The following HHIPL1 variants were observed in gnomAD, a reference collection of about 807,000 sequenced individuals.
HHIPL1 encodes the protein HHIP-like protein 1.
In HHIPL1, 43 loss-of-function variants were observed where a neutral mutation model predicts 61.8. That is an observed-to-expected ratio of 0.70 (90% CI 0.55 to 0.90). HHIPL1 has a LOEUF of 0.90. HHIPL1 is among the 40% of genes least tolerant of loss of function. The probability of loss-of-function intolerance (pLI) is 0.00; values close to 1 mark genes in which losing one functional copy is unlikely to be tolerated. For synonymous variants in HHIPL1, 482 were observed against 515.8 expected (o/e 0.93, Z 0.89); for missense variants, 1,056 against 1,157.7 (o/e 0.91, Z 1.28).
At chr14:99,605,073 C>T in the HHIPL1 span, among the ~76,000 whole-genome samples, 1 of 152,212 alleles carries the variant, frequency 6.6e-6, no homozygotes, top group Non-Finnish European at 1.5e-5. Context: ...GGGGCGAGAG[C>T]TCCGGGAACC....
chr14:99,645,860 G>A (rs1170075441), intron 1 of HHIPL1, among the ~76,000 whole-genome samples: 2 of 152,192 alleles, frequency 1.3e-5, no homozygotes, highest in Non-Finnish European at 2.9e-5. Context: ...GTCCCGGTCA[G>A]TGCTCCTTTG....
At chr14:99,625,774 A>G in the HHIPL1 span, 1 of 152,186 alleles carries the variant, frequency 6.6e-6, no homozygotes, top group Non-Finnish European at 1.5e-5. Context: ...ACAGCCCCCC[A>G]TGCCAGCCAA....
chr14:99,667,423 G>A (rs1168747241), intron 6 of HHIPL1, among the ~76,000 whole-genome samples: 1 of 152,060 alleles, frequency 6.6e-6, no homozygotes, highest in Non-Finnish European at 1.5e-5. Context: ...GGAGTGGGAG[G>A]AGCAGGGAGA....
chr14:99,609,785 G>A, the HHIPL1 span, among the ~76,000 whole-genome samples: 16 of 152,220 alleles, frequency 1.1e-4, no homozygotes, highest in African/African-American at 3.1e-4. Context: ...GCCTAGAACC[G>A]CTGATGTTGC....
chr14:99,628,510 G>A, the HHIPL1 span, among the ~76,000 whole-genome samples: 1 of 151,186 alleles, frequency 6.6e-6, no homozygotes, highest in South Asian at 2.1e-4. Context: ...GAACCCAAGA[G>A]GCAGAGGTTG....
At position 99,645,575 on chromosome 14, in the gene HHIPL1, T is replaced by G. The variant is rs1045344565; in HGVS notation, c.255+113T>G. On this transcript the variant is annotated intron_variant, in intron 1 of 8. Transcript: ENST00000330710. Reference sequence around the variant, plus strand: ...AAGAGTGGGCGGCGGACTCGGGAACTCTAAGCCCCAACAGGGAGTCATTTG... The same window carrying G: ...AAGAGTGGGCGGCGGACTCGGGAACGCTAAGCCCCAACAGGGAGTCATTTG... 3 of 1,124,418 alleles carry G rather than the reference T, an allele frequency of 2.7e-6. No individual in the cohort carries two copies. The Admixed American group carries it at 1.3e-4, about 50-fold the overall frequency. The allele number at this position is 1,124,418 out of a possible 1,614,324, so 69.7% of individuals were successfully genotyped here. A position where few individuals can be genotyped will look rare whatever the true frequency, so the allele number is the denominator to read the frequency against.
chr14:99,672,444 C>T lies in HHIPL1; in HGVS notation c.1813+45C>T, dbSNP rs368776767. On this transcript the variant is annotated intron_variant, in intron 8 of 8. Coordinates refer to ENST00000330710, the MANE Select transcript of HHIPL1 (RefSeq NM_001127258.3). ...ACACTGAGGGTTGGGGGAGAGATCC[C>T]GCAGCCCACAACGGCTGCCTTTCCA... is the stretch of plus-strand genomic sequence containing the variant. The T allele has an allele frequency of 7.4e-4, 1,103 of 1,491,844 alleles. 5 individuals are homozygous for T. The highest frequency in any genetic ancestry group is 2.9e-3 in the Middle Eastern group (17 of 5,898). The allele number at this position is 1,491,844 out of a possible 1,614,324, so 92.4% of individuals were successfully genotyped here.
rs1220239681 is a variant in HHIPL1 at position 99,675,326 on chromosome 14, T to G, written c.2049T>G (p.Ser683=). 7.1e-7 allele frequency: 1 copy of G among 1,418,192 alleles called. No individual in the cohort carries two copies. The highest frequency in any genetic ancestry group is 9.2e-7 in the Non-Finnish European group (1 of 1,085,972). 87.9% of individuals were successfully genotyped at this position (1,418,192 alleles called of 1,614,324 possible). ...TGGTGCGGCCCGCGGGCCTGAGCTCTGGCAGCGGGCGCGTGGAGGTGTTCG... is the reference window on the plus strand; with the variant it reads ...TGGTGCGGCCCGCGGGCCTGAGCTCGGGCAGCGGGCGCGTGGAGGTGTTCG... ...VRLVRPAGLS[S]GSGRVEVFVG... Residue 683 remains serine (S), a synonymous_variant, in exon 9 of 9, where the codon TCT becomes TCG. Transcript: ENST00000330710. The surrounding 1 kb of genome is among the most constrained non-coding windows in gnomAD (Gnocchi z 5.4).
At chr14:99,652,979 C>A in intron 2 of HHIPL1, 109 bp downstream of exon 2, 1 of 1,109,722 alleles carries the variant, frequency 9.0e-7, no homozygotes, top group Non-Finnish European at 1.3e-6. Context: ...ATTTAACACA[C>A]CTGGTGGGGG....
At chr14:99,657,346 G>A (rs1194453947) in intron 3 of HHIPL1, among the ~76,000 whole-genome samples, 1 of 152,186 alleles carries the variant, frequency 6.6e-6, no homozygotes. Flanking sequence ...AGTCCACTCT[G>A]CAGGCAGCTT....
chr14:99,639,302 T>C, the HHIPL1 span, among the ~76,000 whole-genome samples: 32 of 152,230 alleles, frequency 2.1e-4, no homozygotes, highest in Non-Finnish European at 3.8e-4. Context: ...TTAAAGTGGA[T>C]TTCTTGTAGA....
the HHIPL1 span, among the ~76,000 whole-genome samples, chr14:99,621,458 T>A: frequency 6.6e-6 from 1 of 152,132 alleles, no homozygotes; most frequent in Non-Finnish European, 1.5e-5. Context: ...TGGGTGGGAC[T>A]GGGGGATTTT....
Position 99,652,679 on chromosome 14 carries a change from G to T in HHIPL1, c.711G>T (p.Arg237=), listed in dbSNP as rs756687329. ...GGAAGCCTTTCCTGAACATCAGCCGGGTGGTGCTCACCTCGCCCTGGGAGG... is the reference window on the plus strand; with the variant it reads ...GGAAGCCTTTCCTGAACATCAGCCGTGTGGTGCTCACCTCGCCCTGGGAGG... ...RLGKPFLNIS[R]VVLTSPWEGD... Residue 237 remains arginine (R), a synonymous_variant, in exon 2 of 9, where the codon CGG becomes CGT. Coordinates refer to ENST00000330710, the MANE Select transcript of HHIPL1 (RefSeq NM_001127258.3). 14 of 1,613,832 alleles carry T rather than the reference G, an allele frequency of 8.7e-6. No individual in the cohort carries two copies. The highest frequency in any genetic ancestry group is 1.1e-5 in the Non-Finnish European group (13 of 1,180,004).
At chr14:99,643,625 G>T (rs182328853), upstream of HHIPL1, among the ~76,000 whole-genome samples, 34 of 152,290 alleles carry the variant, frequency 2.2e-4, no homozygotes, top group African/African-American at 7.5e-4. Context: ...GGAAGTAGGC[G>T]CCATCGTGCC....
intron 6 of HHIPL1, among the ~76,000 whole-genome samples, chr14:99,666,866 C>T (rs1016822974): frequency 2.0e-5 from 3 of 152,200 alleles, no homozygotes; most frequent in African/African-American, 7.2e-5. Context: ...GACCACTCAG[C>T]GTACTGCTCT....
intron 3 of HHIPL1, among the ~76,000 whole-genome samples, chr14:99,657,371 A>C (rs1479150051): frequency 6.6e-6 from 1 of 152,196 alleles, no homozygotes; most frequent in Non-Finnish European, 1.5e-5. Flanking sequence ...CAAGGAGTAA[A>C]GGCAATCATG....
intron 1 of HHIPL1, among the ~76,000 whole-genome samples, chr14:99,646,363 G>C (rs1051028557): frequency 1.5e-4 from 23 of 152,412 alleles, no homozygotes; most frequent in Admixed American, 1.5e-3. Context: ...CCTTCGGCCA[G>C]CAGGGGCAGG....
chr14:99,654,318 C>T (rs941842938), intron 2 of HHIPL1, among the ~76,000 whole-genome samples: 1 of 152,170 alleles, frequency 6.6e-6, no homozygotes, highest in African/African-American at 2.4e-5. Flanking sequence ...GATGGGGTTA[C>T]TGGCGCCCTG....
rs777322173 is a variant in HHIPL1, at chr14:99,668,241, G to A, written c.1668G>A (p.Ser556=). 2.2e-5 allele frequency: 36 copies of A among 1,611,490 alleles called. No individual in the cohort carries two copies. Among genetic ancestry groups the A allele is most frequent in the Admixed American group, 8.3e-5 (5 of 59,998 alleles). ...CCAAAGGGGAGCTGTACTTCATGTC[G>A]ACAGGGGAGCCGAGTGCCACAGCTC... ...EDEAGELYFM[S]TGEPSATAPR... is the part of the protein sequence containing the mutation. Residue 556 remains serine, a synonymous_variant, in exon 7 of 9, where the codon TCG becomes TCA. Coordinates refer to ENST00000330710, the MANE Select transcript of HHIPL1 (RefSeq NM_001127258.3). This position sits in a 1 kb window ranked among gnomAD's most constrained non-coding sequence, Gnocchi z 4.7.
Sources: allele counts gnomAD v4.1 joint callset (sites outside exome capture counted in the v4.1 genomes callset), GRCh38; gene constraint gnomAD v4.1.1; non-coding constraint Gnocchi (gnomAD v3.1); transcripts MANE v1.5; gene names NCBI Gene and HGNC (gene_info 2026-07-23, HGNC 2026-07-21).